The following NF1 variants were observed in gnomAD, a reference collection of about 807,000 sequenced individuals.
NF1 encodes the protein neurofibromin 1, also known as neurofibromin.
Under a neutral mutation model 325.7 loss-of-function variants are expected in NF1, and 122 were observed. That is an observed-to-expected ratio of 0.37 (90% CI 0.32 to 0.44). The LOEUF is 0.44. Ranked by LOEUF, NF1 falls within the 20% of genes least tolerant of loss-of-function variation. The pLI, the probability that NF1 is intolerant of heterozygous loss-of-function variation, is 1.00. For missense variants in NF1, 2,140 were observed against 3,415.4 expected (o/e 0.63, Z 9.31); for synonymous variants, 1,091 against 1,186.0 (o/e 0.92, Z 1.65).
chr17:31,317,714 ATTTAATATTAATAGTAGAAAAACACT>A (rs1567892034), intron 36 of NF1: 1 of 152,234 alleles, frequency 6.6e-6, no homozygotes, highest in Non-Finnish European at 1.5e-5. Context: ...AAAGGTTTTA[ATTTAATATTAATAGTAGAAAAACACT>A]TTCTTACGTG....
intron 29 of NF1, among the ~76,000 whole-genome samples, chr17:31,245,773 G>A (rs767507614): frequency 1.7e-4 from 26 of 152,238 alleles, no homozygotes; most frequent in Middle Eastern, 6.8e-3. Flanking sequence ...AACTCTGTTC[G>A]TTGGGTTTTT....
intron 31 of NF1, among the ~76,000 whole-genome samples, chr17:31,257,144 A>G (rs2151460448): frequency 6.6e-6 from 1 of 152,254 alleles, no homozygotes; most frequent in Non-Finnish European, 1.5e-5. Context: ...ATGACAGGAA[A>G]TATTTATTGA....
chr17:31,204,557 A>G (rs2066587362), intron 11 of NF1, among the ~76,000 whole-genome samples: 1 of 152,084 alleles, frequency 6.6e-6, no homozygotes, highest in African/African-American at 2.4e-5. Context: ...TTATTTGAAA[A>G]TGTGTATTTT....
At chr17:31,169,837 CA>C in intron 4 of NF1, 53 bp from the exon 5 acceptor site, 1 of 1,266,986 alleles carries the variant, frequency 7.9e-7, no homozygotes, top group Middle Eastern at 2.3e-4. Context: ...TGAGATACCA[CA>C]CCTGTCCCCT....
rs988685395 is a variant in NF1 at position 31,118,235 on chromosome 17, T to TG, written c.60+22868dup. 1.8e-4 allele frequency among the ~76,000 whole-genome samples: 27 copies of TG among 152,170 alleles called. 1 individual carries two copies. Among genetic ancestry groups the TG allele is most frequent in the Non-Finnish European group, 2.9e-5 (2 of 68,026 alleles). ...GATTTGAAACAATCACAAATTACAC[T>TG]GGATTCTTAAAAATGTTGTAGGATC... is the stretch of plus-strand genomic sequence containing the variant. On this transcript the variant is annotated intron_variant, in intron 1 of 57. Transcript: ENST00000358273.
intron 1 of NF1, among the ~76,000 whole-genome samples, chr17:31,134,963 A>G (rs774018987): frequency 2.1e-4 from 32 of 152,182 alleles, no homozygotes; most frequent in Non-Finnish European, 4.6e-4. Context: ...ATGTAGGAAT[A>G]CTTGCAGACC....
At chr17:31,294,896 C>G in intron 36 of NF1, 1 of 1,402,026 alleles carries the variant, frequency 7.1e-7, no homozygotes, top group South Asian at 1.2e-5. Flanking sequence ...AATGTTAAGA[C>G]TGGCTTTCTT....
At chr17:31,348,304 C>T (rs1432268831) in intron 48 of NF1, among the ~76,000 whole-genome samples, 8 of 133,990 alleles carry the variant, frequency 6.0e-5, no homozygotes, top group Middle Eastern at 3.7e-3. Flanking sequence ...TTGTGTTTAG[C>T]TGACCCTCCA....
At chr17:31,117,080 C>T (rs969201467) in intron 1 of NF1, among the ~76,000 whole-genome samples, 1 of 152,052 alleles carries the variant, frequency 6.6e-6, no homozygotes, top group East Asian at 1.9e-4. Context: ...CTCCTGAGTT[C>T]AAGCAATTCT....
At chr17:31,344,178 A>G (rs2069908156) in intron 48 of NF1, among the ~76,000 whole-genome samples, 1 of 152,166 alleles carries the variant, frequency 6.6e-6, no homozygotes, top group Non-Finnish European at 1.5e-5. Flanking sequence ...GATTAATACT[A>G]TTATTTTATA....
chr17:31,258,038 C>T (rs2067612986), intron 31 of NF1, among the ~76,000 whole-genome samples: 1 of 152,048 alleles, frequency 6.6e-6, no homozygotes, highest in African/African-American at 2.4e-5. Context: ...TTTCATTACT[C>T]ATCAAACATG....
chr17:31,158,353 A>T (rs1422370165), intron 2 of NF1, among the ~76,000 whole-genome samples: 2 of 152,110 alleles, frequency 1.3e-5, no homozygotes, highest in Non-Finnish European at 2.9e-5. Context: ...AGGTAAAGAG[A>T]TTTACGGAAA....
At position 31,258,439 on chromosome 17, in the gene NF1, A is replaced by G. The variant is rs17886566; in HGVS notation, c.4269A>G (p.Glu1423=). 648 of 1,613,968 alleles carry G rather than the reference A, an allele frequency of 4.0e-4. 2 individuals are homozygous for G. The African/African-American group carries it at 7.7e-3, about 19-fold the overall frequency. The change falls in exon 32 of 58, where the codon GAA becomes GAG. Residue 1423 remains glutamate (E), a synonymous_variant. Transcript: ENST00000358273. ...FINPAIVSPY[E]AGILDKKPPP... ...ATCCTGCCATTGTCTCACCGTATGA[A>G]GCAGGGATTTTAGATAAAAAGCCAC...
intron 36 of NF1, among the ~76,000 whole-genome samples, chr17:31,324,742 A>G (rs903460162): frequency 6.6e-6 from 1 of 151,984 alleles, no homozygotes; most frequent in African/African-American, 2.4e-5. Context: ...TTGTATTTTT[A>G]GTAGAGACAG....
At chr17:31,265,507 G>C (rs1210414916) in intron 36 of NF1, among the ~76,000 whole-genome samples, 168 bp downstream of exon 36, 2 of 151,436 alleles carry the variant, frequency 1.3e-5, no homozygotes, top group Middle Eastern at 6.8e-3. Flanking sequence ...AATGATGGTC[G>C]GTATCTAGTA....
intron 36 of NF1, among the ~76,000 whole-genome samples, chr17:31,290,099 T>A (rs1385100929): frequency 1.3e-5 from 2 of 152,202 alleles, no homozygotes; most frequent in African/African-American, 4.8e-5. Context: ...ATCCGTTTTA[T>A]GAGCTCCTGA....
chr17:31,278,080 G>C (rs1188846180), intron 36 of NF1: 1 of 152,094 alleles, frequency 6.6e-6, no homozygotes, highest in Non-Finnish European at 1.5e-5. Flanking sequence ...GTGAGCTATG[G>C]ATACCCTAAC....
At chr17:31,164,266 CA>C (rs2065809756) in intron 4 of NF1, among the ~76,000 whole-genome samples, 1 of 152,094 alleles carries the variant, frequency 6.6e-6, no homozygotes. Context: ...AAAGATGTAT[CA>C]AAAATATAAT....
At chr17:31,181,822 T>C (rs777465913) in intron 7 of NF1, 37 bp downstream of exon 7, 5 of 1,326,030 alleles carry the variant, frequency 3.8e-6, no homozygotes, top group Non-Finnish European at 5.4e-6. Flanking sequence ...TTTTTTGTCT[T>C]TTAAATGCCT....
Sources: gnomAD v4.1 joint callset for allele counts (sites outside exome capture counted in the v4.1 genomes callset) on GRCh38, gnomAD v4.1.1 for gene constraint, MANE v1.5 for transcripts, NCBI Gene and HGNC (gene_info 2026-07-23, HGNC 2026-07-21) for gene names.